The following OSGIN2 variants were observed in gnomAD, a reference collection of about 807,000 sequenced individuals.
OSGIN2 encodes oxidative stress-induced growth inhibitor 2.
Under a neutral mutation model 53.8 loss-of-function variants are expected in OSGIN2, and 19 were observed. The ratio of observed to expected loss-of-function variants is 0.35; its 90% CI spans 0.25 to 0.52. The LOEUF (loss-of-function observed/expected upper bound fraction) is 0.52. Ranked by LOEUF, OSGIN2 falls within the 20% of genes least tolerant of loss-of-function variation. OSGIN2 has a pLI of 0.95. For missense variants in OSGIN2, 520 were observed against 662.7 expected, an observed-to-expected ratio of 0.78 and a Z score of 2.36; for synonymous variants, 236 against 236.0, an observed-to-expected ratio of 1.00 and a Z score of 0.00.
chr8:89,920,264 A>C (rs1260644395), intron 4 of OSGIN2, among the ~76,000 whole-genome samples: 1 of 152,166 alleles, frequency 6.6e-6, no homozygotes, highest in Admixed American at 6.5e-5. Context: ...CACAGGGCCT[A>C]GTACATAGTA....
At chr8:89,902,286 C>T (rs1808733124), upstream of OSGIN2, among the ~76,000 whole-genome samples, 1 of 152,188 alleles carries the variant, frequency 6.6e-6, no homozygotes, top group African/African-American at 2.4e-5. Context: ...GCGCACCCAC[C>T]GGCCTCACCA....
Position 89,902,716 on chromosome 8 carries a change from C to A in OSGIN2, c.-78C>A. ...CCCCGCGACCCCGAGCCAGCGGGCGCCCCGAGCGGGCAGCCTCGCCGGGGG... is the reference window on the plus strand; with the variant it reads ...CCCCGCGACCCCGAGCCAGCGGGCGACCCGAGCGGGCAGCCTCGCCGGGGG... On this transcript the variant is annotated 5_prime_UTR_variant, in exon 1 of 6. Transcript: ENST00000451899. 7.8e-6 allele frequency: 6 copies of A among 764,974 alleles called. No homozygotes were observed. The highest frequency in any genetic ancestry group is 9.8e-6 in the Non-Finnish European group (6 of 609,338). 47.4% of individuals were successfully genotyped at this position (764,974 alleles called of 1,614,324 possible). A position where few individuals can be genotyped will look rare whatever the true frequency, so the allele number is the denominator to read the frequency against.
Position 89,925,446 on chromosome 8 carries a change from G to GC in OSGIN2, c.1565dup (p.Leu523AlafsTer19). 6.2e-7 allele frequency: 1 copy of GC among 1,614,164 alleles called. No individual in the cohort carries two copies. Among genetic ancestry groups the GC allele is most frequent in the Non-Finnish European group, 8.5e-7 (1 of 1,179,992 alleles). ...TTTTGTTCGATTTTTAAAGGGAGGG[G>GC]CGCTGGGTGTTACACGCTGTTTAGC... On this transcript the variant is annotated frameshift_variant, in exon 6 of 6. Transcript: ENST00000451899. LOFTEE classifies it high-confidence loss of function.
At position 89,925,063 on chromosome 8, in the gene OSGIN2, A is replaced by C. The variant is rs1809289676; in HGVS notation, c.1181A>C (p.Tyr394Ser). The change falls in exon 6 of 6, where the codon TAT becomes TCT. Residue 394 changes from tyrosine to serine, a missense_variant. Transcript: ENST00000451899. ...TTCAAACAGCTTCCCAAAAAGCTGT[A>C]TCCTGAATATCATAAAGTCTATCAT... is the stretch of plus-strand genomic sequence containing the variant. Reference protein sequence around the residue: ...LIFKQLPKKLYPEYHKVYHMM... With the variant: ...LIFKQLPKKLSPEYHKVYHMM... 1 of 1,613,486 alleles carries C rather than the reference A, an allele frequency of 6.2e-7. No homozygotes were observed. Among genetic ancestry groups the C allele is most frequent in the African/African-American group, 1.3e-5 (1 of 74,932 alleles).
rs1437910629 is a variant in OSGIN2, at chr8:89,909,039, TATATATATATAC to T, written c.45-516_45-505del. Among the ~76,000 whole-genome samples, 170 of 59,832 alleles carry T rather than the reference TATATATATATAC, an allele frequency of 2.8e-3. 2 individuals carry two copies. The highest frequency in any genetic ancestry group is 0.015 in the African/African-American group (141 of 9,670). The allele number at this position is 59,832 out of a possible 152,430, so 39.3% of individuals were successfully genotyped here. On this transcript the variant is annotated intron_variant, in intron 1 of 5. Transcript: ENST00000451899. The stretch of plus-strand genomic sequence containing the variant: ...AAAAAAAAAAAAAAAAAAAAAAAAA[TATATATATATAC>T]ATATATATATATATAATGTATATGT...
chr8:89,912,524 G>C (rs1407740030), intron 2 of OSGIN2, among the ~76,000 whole-genome samples: 1 of 152,120 alleles, frequency 6.6e-6, no homozygotes, highest in Non-Finnish European at 1.5e-5. Flanking sequence ...GGGAGGCTGT[G>C]GTGGGTGGAT....
intron 4 of OSGIN2, 137 bp downstream of exon 4, chr8:89,914,883 C>G: frequency 2.9e-6 from 2 of 691,254 alleles, no homozygotes; most frequent in Non-Finnish European, 4.8e-6. Context: ...TAATGCTGTT[C>G]AGTTAGTTAA....
chr8:89,911,619 ACT>A (rs1351470740), intron 2 of OSGIN2, among the ~76,000 whole-genome samples: 2 of 128,594 alleles, frequency 1.6e-5, no homozygotes, highest in Admixed American at 7.9e-5. Flanking sequence ...GACAAGTGAA[ACT>A]CTGTCTAAAA....
intron 2 of OSGIN2, 89 bp from the exon 3 acceptor site, chr8:89,913,988 A>G (rs1809023791): frequency 1.9e-6 from 2 of 1,076,168 alleles, no homozygotes; most frequent in Non-Finnish European, 2.8e-6. Flanking sequence ...TGGTCAGAGA[A>G]AAGAGCCATC....
At position 89,904,541 on chromosome 8, in the gene OSGIN2, G is replaced by A. The variant is rs146187432; in HGVS notation, c.44+1704G>A. 9.4e-3 allele frequency among the ~76,000 whole-genome samples: 1,404 copies of A among 149,434 alleles called. 22 individuals are homozygous for A. The highest frequency in any genetic ancestry group is 0.034 in the African/African-American group (1,360 of 40,482). On this transcript the variant is annotated intron_variant, in intron 1 of 5. Coordinates refer to ENST00000451899, the MANE Select transcript of OSGIN2 (RefSeq NM_001126111.3). Reference sequence around the variant, plus strand: ...TGTGTCTAAAGTATTTTTTTTTTTAGTTGTTTACCAGCTCCTTCAGGAATA... The same window carrying A: ...TGTGTCTAAAGTATTTTTTTTTTTAATTGTTTACCAGCTCCTTCAGGAATA...
chr8:89,926,356 A>G lies in OSGIN2; in HGVS notation c.*824A>G, dbSNP rs1305487594. On this transcript the variant is annotated 3_prime_UTR_variant, in exon 6 of 6. Transcript: ENST00000451899. ...CTCGATTTAACTATCATAGCATTTA[A>G]TGAATCTGATTTGTAGTTCAATAAA... is the stretch of plus-strand genomic sequence containing the variant. 1 of 152,630 alleles carries G rather than the reference A, an allele frequency of 6.6e-6. No homozygotes were observed. The highest frequency in any genetic ancestry group is 2.4e-5 in the African/African-American group (1 of 41,458). 9.5% of individuals were successfully genotyped at this position (152,630 alleles called of 1,614,324 possible). A position where few individuals can be genotyped will look rare whatever the true frequency, so the allele number is the denominator to read the frequency against.
At chr8:89,923,195 G>C (rs532832884) in intron 5 of OSGIN2, among the ~76,000 whole-genome samples, 2 of 152,052 alleles carry the variant, frequency 1.3e-5, no homozygotes, top group Non-Finnish European at 1.5e-5. Context: ...TTTTAAAAAA[G>C]TAATTTTACC....
In OSGIN2 at chr8:89,902,703, G is replaced by A. The variant is rs1266366250; in HGVS notation, c.-91G>A. The stretch of plus-strand genomic sequence containing the variant: ...GGCGCCCGGCAGACCCCGCGACCCC[G>A]AGCCAGCGGGCGCCCCGAGCGGGCA... On this transcript the variant is annotated 5_prime_UTR_variant, in exon 1 of 6. Transcript: ENST00000451899. 12 of 572,368 alleles carry A rather than the reference G, an allele frequency of 2.1e-5. No homozygotes were observed. Among genetic ancestry groups the A allele is most frequent in the Non-Finnish European group, 2.7e-5 (12 of 444,230 alleles). The allele number at this position is 572,368 out of a possible 1,614,324, so 35.5% of individuals were successfully genotyped here.
At chr8:89,916,814 T>C (rs915988817) in intron 4 of OSGIN2, among the ~76,000 whole-genome samples, 14 of 152,210 alleles carry the variant, frequency 9.2e-5, no homozygotes, top group African/African-American at 3.4e-4. Context: ...TTCCTAAAGA[T>C]ACCATTCCCA....
In OSGIN2 at chr8:89,909,715, A is replaced by G. The variant is rs975660255; in HGVS notation, c.193A>G (p.Ile65Val). The G allele has an allele frequency of 1.3e-6, 2 of 1,592,306 alleles. No homozygotes were observed. The highest frequency in any genetic ancestry group is 1.7e-6 in the Non-Finnish European group (2 of 1,163,704). Residue 65 changes from isoleucine to valine, a missense_variant, in exon 2 of 6, where the codon ATA becomes GTA. This residue lies in a region of OSGIN2 where 203 missense variants were observed against 275.3 expected (regional missense o/e 0.74). Coordinates refer to ENST00000451899, the MANE Select transcript of OSGIN2 (RefSeq NM_001126111.3). ...EDSSVTFPVVIIGNGPSGICL... is the reference protein window; with the variant it reads ...EDSSVTFPVVVIGNGPSGICL... The stretch of plus-strand genomic sequence containing the variant: ...TTCGTCAGTGACTTTTCCTGTGGTA[A>G]TAATAGGTAAGTTATTGTATTTTAT...
At chr8:89,902,037 TCCAG>T (rs1808727043), upstream of OSGIN2, 1 of 152,332 alleles carries the variant, frequency 6.6e-6, no homozygotes, top group South Asian at 2.1e-4. Flanking sequence ...TGGTGAGTCC[TCCAG>T]GTAACTGTGA....
At chr8:89,919,805 C>T (rs1809158583) in intron 4 of OSGIN2, among the ~76,000 whole-genome samples, 1 of 152,212 alleles carries the variant, frequency 6.6e-6, no homozygotes, top group Non-Finnish European at 1.5e-5. Context: ...TCTAATGGTA[C>T]ACTCCTCTGC....
chr8:89,902,044 A>G (rs2250670), upstream of OSGIN2: 67,551 of 152,206 alleles, frequency 0.44, 17,906 homozygotes, highest in African/African-American at 0.74. Context: ...TCCTCCAGGT[A>G]ACTGTGATGC....
intron 2 of OSGIN2, among the ~76,000 whole-genome samples, chr8:89,913,026 C>G (rs1359712210): frequency 6.6e-6 from 1 of 152,076 alleles, no homozygotes; most frequent in Non-Finnish European, 1.5e-5. Flanking sequence ...TCTGAAAAGA[C>G]ATTTCAAAAG....
Sources: allele counts gnomAD v4.1 joint callset (sites outside exome capture counted in the v4.1 genomes callset), GRCh38; gene constraint gnomAD v4.1.1; regional missense constraint gnomAD v4.1.1; transcripts MANE v1.5; gene names NCBI Gene and HGNC (gene_info 2026-07-23, HGNC 2026-07-21).